CRYBA4: variants seen among roughly 807,000 people sequenced by gnomAD.
CRYBA4 encodes crystallin beta A4.
In CRYBA4, 30 loss-of-function variants were observed where a neutral mutation model predicts 31.7. The observed-to-expected ratio is 0.95, with a 90% CI of 0.71 to 1.28. The LOEUF is 1.28. Ranked by LOEUF, CRYBA4 falls within the 50% of genes most tolerant of loss-of-function variation. The pLI, the probability that CRYBA4 is intolerant of heterozygous loss-of-function variation, is 0.00. For missense variants in CRYBA4, 225 were observed against 260.7 expected (o/e 0.86, Z 0.94); for synonymous variants, 102 against 102.3 (o/e 1.00, Z 0.02).
At chr22:26,599,795 C>G in the CRYBA4 span, 1 of 791,046 alleles carries the variant, frequency 1.3e-6, no homozygotes, top group Non-Finnish European at 2.2e-6. Context: ...TCACTTCTGT[C>G]CTGGCTATAT....
chr22:26,591,263 G>A, the CRYBA4 span, among the ~76,000 whole-genome samples: 1 of 151,940 alleles, frequency 6.6e-6, no homozygotes, highest in Non-Finnish European at 1.5e-5. Context: ...ATGAGGTCAG[G>A]AGTTCGAGAC....
the CRYBA4 span, chr22:26,612,224 G>A: frequency 1.4e-6 from 2 of 1,447,050 alleles, no homozygotes. Context: ...CAAGGGCAGA[G>A]TGAGGGGGGA....
At chr22:26,614,545 G>C in the CRYBA4 span, among the ~76,000 whole-genome samples, 1 of 152,214 alleles carries the variant, frequency 6.6e-6, no homozygotes, top group South Asian at 2.1e-4. Flanking sequence ...TAGCAGGAAA[G>C]AGATGGTCAC....
chr22:26,594,617 G>T, the CRYBA4 span, among the ~76,000 whole-genome samples: 1 of 152,146 alleles, frequency 6.6e-6, no homozygotes, highest in African/African-American at 2.4e-5. Context: ...CTTGAACCCG[G>T]GAGGTGGAGG....
At chr22:26,619,679 T>A (rs1238261504), upstream of CRYBA4, among the ~76,000 whole-genome samples, 1 of 152,192 alleles carries the variant, frequency 6.6e-6, no homozygotes, top group African/African-American at 2.4e-5. Context: ...TGGCCTTTCA[T>A]CCTGGGCCAA....
At chr22:26,600,672 C>T in the CRYBA4 span, among the ~76,000 whole-genome samples, 1 of 152,230 alleles carries the variant, frequency 6.6e-6, no homozygotes, top group Non-Finnish European at 1.5e-5. Flanking sequence ...ATAGTAAGCA[C>T]TCAATAGAAG....
At chr22:26,602,611 T>C in the CRYBA4 span, among the ~76,000 whole-genome samples, 18 of 151,846 alleles carry the variant, frequency 1.2e-4, no homozygotes, top group Non-Finnish European at 1.5e-5. Flanking sequence ...AAAGTATTTA[T>C]TATTTTTAAA....
chr22:26,626,101 C>T (rs908873534), intron 4 of CRYBA4, among the ~76,000 whole-genome samples: 3 of 152,100 alleles, frequency 2.0e-5, no homozygotes, highest in Admixed American at 2.0e-4. Context: ...AACATTGAGG[C>T]TCAGAAAGGT....
chr22:26,624,391 A>G (rs1480307804), intron 3 of CRYBA4, among the ~76,000 whole-genome samples: 1 of 152,178 alleles, frequency 6.6e-6, no homozygotes, highest in Non-Finnish European at 1.5e-5. Context: ...ACCATATTGG[A>G]TAGAAGGTTC....
chr22:26,613,945 C>A, the CRYBA4 span, among the ~76,000 whole-genome samples: 1 of 152,212 alleles, frequency 6.6e-6, no homozygotes, highest in African/African-American at 2.4e-5. Context: ...ACTGGCCCCC[C>A]TGGGCGTGGT....
chr22:26,599,133 C>T, the CRYBA4 span: 15 of 281,918 alleles, frequency 5.3e-5, no homozygotes, highest in Admixed American at 4.8e-5. Context: ...CTGGCTGGAC[C>T]ATCTCTTACC....
chr22:26,613,388 G>A, the CRYBA4 span, among the ~76,000 whole-genome samples: 1 of 152,186 alleles, frequency 6.6e-6, no homozygotes, highest in Non-Finnish European at 1.5e-5. Context: ...TGTGTGCCCC[G>A]GGATGTTGCG....
chr22:26,620,843 G>A (rs1032699285), upstream of CRYBA4, among the ~76,000 whole-genome samples: 5 of 152,268 alleles, frequency 3.3e-5, no homozygotes, highest in South Asian at 2.1e-4. Flanking sequence ...GATTACAGGC[G>A]TGAGCCATTG....
the CRYBA4 span, among the ~76,000 whole-genome samples, chr22:26,594,255 C>T: frequency 6.6e-6 from 1 of 152,200 alleles, no homozygotes; most frequent in African/African-American, 2.4e-5. Flanking sequence ...CTCTTTAGAA[C>T]CTCTGCAGGG....
the CRYBA4 span, among the ~76,000 whole-genome samples, chr22:26,612,367 G>T: frequency 6.6e-6 from 1 of 152,072 alleles, no homozygotes; most frequent in South Asian, 2.1e-4. Context: ...TTTGTTTTTT[G>T]TTTGTTTGTT....
the CRYBA4 span, chr22:26,599,686 T>C: frequency 1.2e-6 from 2 of 1,612,524 alleles, no homozygotes; most frequent in South Asian, 2.2e-5. Flanking sequence ...GAGAGAAAAG[T>C]GAGAAGGACA....
chr22:26,614,110 A>G, the CRYBA4 span, among the ~76,000 whole-genome samples: 1 of 152,178 alleles, frequency 6.6e-6, no homozygotes, highest in Non-Finnish European at 1.5e-5. Flanking sequence ...ATCAATGACA[A>G]TGGTGCCCAA....
intron 5 of CRYBA4, among the ~76,000 whole-genome samples, chr22:26,629,617 C>T (rs968693671): frequency 3.3e-5 from 5 of 151,756 alleles, no homozygotes; most frequent in Non-Finnish European, 7.4e-5. Flanking sequence ...GTGGCTATGC[C>T]TCTAGTCCCA....
the CRYBA4 span, among the ~76,000 whole-genome samples, chr22:26,596,153 T>C: frequency 6.6e-6 from 1 of 152,190 alleles, no homozygotes; most frequent in Non-Finnish European, 1.5e-5. Context: ...CAAGCTGACA[T>C]GCAGTGGCAC....
Sources: allele counts gnomAD v4.1 joint callset (sites outside exome capture counted in the v4.1 genomes callset), GRCh38; gene constraint gnomAD v4.1.1; transcripts MANE v1.5; gene names NCBI Gene and HGNC (gene_info 2026-07-23, HGNC 2026-07-21).